Variants in CFAP47 observed in about 807,000 individuals in gnomAD.
CFAP47 encodes the protein cilia- and flagella-associated protein 47.
CFAP47 carries 29 observed loss-of-function variants against 148.1 expected under a neutral mutation model. That is an observed-to-expected ratio of 0.20 (90% confidence interval 0.15 to 0.27). The LOEUF (loss-of-function observed/expected upper bound fraction) is 0.27, where lower values mean the gene tolerates loss of function less well. CFAP47 is among the 10% of genes least tolerant of loss of function. The pLI, the probability that CFAP47 is intolerant of heterozygous loss-of-function variation, is 1.00. For missense variants in CFAP47, 1,872 were observed against 1,697.5 expected (o/e 1.10, Z -1.81); for synonymous variants, 664 against 577.3 (o/e 1.15, Z -2.15).
At chrX:36,344,488 G>A (rs1941681049) in intron 57 of CFAP47, among the ~76,000 whole-genome samples, 1 of 111,309 alleles carries the variant, frequency 9.0e-6, no homozygotes, top group Non-Finnish European at 1.9e-5. Context: ...ATGAACTTCA[G>A]TTCTACTTGT....
chrX:36,087,276 T>C (rs1569254836), intron 30 of CFAP47, among the ~76,000 whole-genome samples: 1 of 112,257 alleles, frequency 8.9e-6, no homozygotes. Context: ...AAAACGGTAT[T>C]TATTTGACAA....
At chrX:36,350,166 T>G in intron 59 of CFAP47, 34 bp downstream of exon 59, 1 of 893,509 alleles carries the variant, frequency 1.1e-6, no homozygotes, top group South Asian at 2.2e-5. Context: ...AATGCCAGAA[T>G]TCTTAGAGAC....
intron 51 of CFAP47, among the ~76,000 whole-genome samples, chrX:36,293,095 G>A (rs782229499): frequency 9.0e-5 from 10 of 111,120 alleles, no homozygotes; most frequent in African/African-American, 3.3e-4. Flanking sequence ...AAGGAACAGT[G>A]ATGAACAATA....
At chrX:36,230,069 A>G (rs191086016) in intron 46 of CFAP47, among the ~76,000 whole-genome samples, 1,323 of 109,003 alleles carry the variant, frequency 0.012, 9 homozygotes, top group Middle Eastern at 0.042. Context: ...CGCAATAAAC[A>G]TACGTGTGCA....
chrX:35,981,535 CTTTTA>C lies in CFAP47; in HGVS notation c.2713+5628_2713+5632del, dbSNP rs759476375. Among the ~76,000 whole-genome samples, 101 of 109,940 alleles carry C rather than the reference CTTTTA, an allele frequency of 9.2e-4. No homozygotes were observed. In the South Asian group the frequency reaches 9.8e-3, roughly 11 times the overall value. On this transcript the variant is annotated intron_variant, in intron 15 of 63. Transcript: ENST00000378653. ...TAGACAAAATATACATTTTTAAAAACTTTTATTTTAGGTTCAGGGGTACATGTGCA... is the reference window on the plus strand; with the variant it reads ...TAGACAAAATATACATTTTTAAAAACTTTTAGGTTCAGGGGTACATGTGCA...
intron 48 of CFAP47, among the ~76,000 whole-genome samples, chrX:36,251,103 AT>A (rs782100114): frequency 1.8e-5 from 2 of 110,780 alleles, no homozygotes; most frequent in Non-Finnish European, 3.8e-5. Flanking sequence ...TGTAAGAATA[AT>A]TTCCTTTGTT....
chrX:35,935,538 T>C (rs1359602202), intron 2 of CFAP47, among the ~76,000 whole-genome samples: 1 of 108,264 alleles, frequency 9.2e-6, no homozygotes, highest in African/African-American at 3.4e-5. Context: ...GTACTGTGAG[T>C]GCTCACCTGA....
intron 45 of CFAP47, among the ~76,000 whole-genome samples, chrX:36,216,399 G>A (rs1456987849): frequency 9.0e-6 from 1 of 111,151 alleles, no homozygotes. Flanking sequence ...CATCTGTGCT[G>A]ACCACCAGTC....
At chrX:36,001,891 C>T (rs1320912722) in intron 21 of CFAP47, among the ~76,000 whole-genome samples, 184 bp downstream of exon 21, 2 of 111,484 alleles carry the variant, frequency 1.8e-5, no homozygotes, top group Non-Finnish European at 3.8e-5. Context: ...CAGAGTGCCT[C>T]AAGAGGAGTG....
At chrX:36,086,561 G>A (rs1938091923) in intron 30 of CFAP47, among the ~76,000 whole-genome samples, 1 of 111,815 alleles carries the variant, frequency 8.9e-6, no homozygotes, top group Non-Finnish European at 1.9e-5. Flanking sequence ...CTTATAGCAG[G>A]AATACAAATT....
intron 48 of CFAP47, among the ~76,000 whole-genome samples, chrX:36,250,213 A>G (rs1555997950): frequency 9.0e-6 from 1 of 111,729 alleles, no homozygotes; most frequent in African/African-American, 3.2e-5. Flanking sequence ...TATGTACGCA[A>G]TGAAATACTA....
At position 36,319,293 on chromosome X, in the gene CFAP47, C is replaced by T. The variant is rs782335037; in HGVS notation, c.8429C>T (p.Pro2810Leu). The T allele has an allele frequency of 2.0e-5, 21 of 1,046,567 alleles. No individual in the cohort carries two copies. Among genetic ancestry groups the T allele is most frequent in the South Asian group, 8.8e-5 (4 of 45,335 alleles). The allele number at this position is 1,046,567 out of a possible 1,213,427, so 86.2% of individuals were successfully genotyped here. Reference sequence around the variant, plus strand: ...AGTTCTGCCTTCAGATTTAGTTCTCCGAGTGAAATACAAGGTACAGGATTT... The same window carrying T: ...AGTTCTGCCTTCAGATTTAGTTCTCTGAGTGAAATACAAGGTACAGGATTT... The part of the protein sequence containing the change: ...YESSAFRFSS[P>L]SEIQGIALPP... The change falls in exon 57 of 64, where the codon CCG becomes CTG. Residue 2810 changes from proline (P) to leucine (L), a missense_variant. Coordinates refer to ENST00000378653, the MANE Select transcript of CFAP47 (RefSeq NM_001304548.2).
At chrX:36,098,081 C>G (rs1159132377) in intron 30 of CFAP47, among the ~76,000 whole-genome samples, 2 of 111,703 alleles carry the variant, frequency 1.8e-5, no homozygotes, top group Admixed American at 9.5e-5. Flanking sequence ...TTAATCAATT[C>G]TGCTATTAAA....
chrX:36,092,565 G>T (rs1033014550), intron 30 of CFAP47, among the ~76,000 whole-genome samples: 9 of 110,173 alleles, frequency 8.2e-5, no homozygotes, highest in African/African-American at 2.6e-4. Context: ...AGAAAACATC[G>T]TAGGCACATT....
At chrX:35,934,754 A>G (rs750597165) in intron 2 of CFAP47, among the ~76,000 whole-genome samples, 1 of 110,850 alleles carries the variant, frequency 9.0e-6, no homozygotes, top group Admixed American at 9.6e-5. Context: ...CTCAGGGCCC[A>G]AGGGCTCTTT....
chrX:36,348,046 A>G, intron 57 of CFAP47, 83 bp from the exon 58 acceptor site: 1 of 508,682 alleles, frequency 2.0e-6, no homozygotes, highest in Non-Finnish European at 2.8e-6. Flanking sequence ...ATCAGTAATC[A>G]AATTAGGTGT....
At chrX:36,309,797 G>A (rs1188982746) in intron 55 of CFAP47, among the ~76,000 whole-genome samples, 3 of 111,153 alleles carry the variant, frequency 2.7e-5, no homozygotes, top group Non-Finnish European at 5.7e-5. Context: ...GAACTCTGAT[G>A]CTTGACTTTA....
chrX:35,972,168 A>T (rs1936504040), intron 13 of CFAP47, among the ~76,000 whole-genome samples: 1 of 111,753 alleles, frequency 8.9e-6, no homozygotes, highest in Admixed American at 9.5e-5. Flanking sequence ...CACCTTCGCA[A>T]TTTAATTTTA....
Position 36,340,544 on chromosome X carries a change from A to C in CFAP47, c.8444-7585A>C, listed in dbSNP as rs1447404967. Among the ~76,000 whole-genome samples, 3 of 111,309 alleles carry C rather than the reference A, an allele frequency of 2.7e-5. No individual in the cohort carries two copies. In the Admixed American group the frequency reaches 2.9e-4, roughly 11 times the overall value. ...TCTTCATGTGGTCTTTTCTCAGTGC[A>C]TTTGCCCCCAGTGTCTCTCTGTGTT... On this transcript the variant is annotated intron_variant, in intron 57 of 63. Transcript: ENST00000378653.
Sources: allele counts gnomAD v4.1 joint callset (sites outside exome capture counted in the v4.1 genomes callset), GRCh38; gene constraint gnomAD v4.1.1; transcripts MANE v1.5; gene names NCBI Gene and HGNC (gene_info 2026-07-23, HGNC 2026-07-21).